ITGAL: variants seen among roughly 807,000 people sequenced by gnomAD.
ITGAL encodes integrin subunit alpha L.
In ITGAL, 68 loss-of-function variants were observed where a neutral mutation model predicts 138.4. The ratio of observed to expected loss-of-function variants is 0.49; its 90% CI spans 0.40 to 0.60. The LOEUF is 0.60. Ranked by LOEUF, ITGAL falls within the 20% of genes least tolerant of loss-of-function variation. The probability of loss-of-function intolerance (pLI) is 0.00; values close to 1 mark genes in which losing one functional copy is unlikely to be tolerated. For synonymous variants in ITGAL, 561 were observed against 584.3 expected, an observed-to-expected ratio of 0.96 and a Z score of 0.57; for missense variants, 1,256 against 1,478.6, an observed-to-expected ratio of 0.85 and a Z score of 2.47.
chr16:30,475,771 C>T (rs2050462529), intron 4 of ITGAL, among the ~76,000 whole-genome samples, 191 bp downstream of exon 4: 1 of 89,544 alleles, frequency 1.1e-5, no homozygotes, highest in East Asian at 3.5e-4. Context: ...GAGACAAGGT[C>T]TCATTCTATT....
At chr16:30,484,045 G>A (rs2050599548) in intron 8 of ITGAL, 68 bp from the exon 9 acceptor site, 2 of 1,594,634 alleles carry the variant, frequency 1.3e-6, no homozygotes, top group Non-Finnish European at 1.7e-6. Context: ...CCAGACTCTT[G>A]TGAAAATAAT....
At chr16:30,500,862 C>T (rs912969639) in intron 17 of ITGAL, among the ~76,000 whole-genome samples, 1 of 152,000 alleles carries the variant, frequency 6.6e-6, no homozygotes, top group Admixed American at 6.6e-5. Context: ...AAATTAGCTG[C>T]GTGTGTTGGC....
intron 17 of ITGAL, among the ~76,000 whole-genome samples, chr16:30,501,960 G>C (rs1300929558): frequency 6.6e-6 from 1 of 151,946 alleles, no homozygotes; most frequent in Non-Finnish European, 1.5e-5. Flanking sequence ...TTGAACCCAG[G>C]AGGTGGAGGT....
intron 15 of ITGAL, chr16:30,498,869 C>A (rs1205972439): frequency 3.7e-6 from 2 of 538,510 alleles, no homozygotes; most frequent in Non-Finnish European, 6.6e-6. Context: ...CCACTGCACT[C>A]CAGCCTGGGC....
At chr16:30,476,245 C>T (rs1362835509) in intron 4 of ITGAL, among the ~76,000 whole-genome samples, 1 of 150,622 alleles carries the variant, frequency 6.6e-6, no homozygotes, top group Non-Finnish European at 1.5e-5. Flanking sequence ...AGTGAAATTC[C>T]GTTTCAAAAA....
In ITGAL at chr16:30,513,793, G is replaced by A. The variant is rs1299937597; in HGVS notation, c.2809G>A (p.Val937Ile). ...IQDQEDSTLY[V>I]SFTPKGPKIH... is the part of the protein sequence containing the mutation. The stretch of plus-strand genomic sequence containing the variant: ...CAGCCAAGAAGACTCCACACTCTAT[G>A]TCAGTTTCACCCCCAAAGGCCCCAA... Residue 937 changes from valine to isoleucine, a missense_variant, in exon 25 of 31, where the codon GTC becomes ATC. Val to Ile is a conservative substitution (Grantham distance 29). Around this residue, in one of 3 missense-constraint regions of ITGAL, gnomAD observed 867 missense variants for 972.5 expected, o/e 0.89. Transcript: ENST00000356798. 1 of 1,613,694 alleles carries A rather than the reference G, an allele frequency of 6.2e-7. No homozygotes were observed. Among genetic ancestry groups the A allele is most frequent in the African/African-American group, 1.3e-5 (1 of 74,866 alleles).
intron 15 of ITGAL, among the ~76,000 whole-genome samples, 172 bp downstream of exon 15, chr16:30,496,738 C>T (rs955093379): frequency 6.6e-6 from 1 of 151,642 alleles, no homozygotes; most frequent in African/African-American, 2.4e-5. Flanking sequence ...AACTGCTGGG[C>T]TTAAGTGATC....
chr16:30,485,288 G>GCAGTCTCTGCTCACTGCAGTGCAGTGGCA (rs2050628994), intron 9 of ITGAL, among the ~76,000 whole-genome samples: 1 of 151,124 alleles, frequency 6.6e-6, no homozygotes, highest in Non-Finnish European at 1.5e-5. Flanking sequence ...GTGCAGTGGC[G>GCAGTCTCTGCTCACTGCAGTGCAGTGGCA]CAGTCTCTGC....
In ITGAL at chr16:30,521,820, C is replaced by T; in HGVS notation, c.*155C>T. On this transcript the variant is annotated 3_prime_UTR_variant, in exon 31 of 31. Transcript: ENST00000356798. ...TCTCGAACATGGAACTCATTCCTGC[C>T]TGTCTCCTTTGCAGGCTCATAGGGA... 5.5e-6 allele frequency: 4 copies of T among 722,180 alleles called. No homozygotes were observed. The highest frequency in any genetic ancestry group is 8.9e-6 in the Non-Finnish European group (4 of 451,038). 44.7% of individuals were successfully genotyped at this position (722,180 alleles called of 1,614,324 possible).
Position 30,472,837 on chromosome 16 carries a change from G to C in ITGAL, c.-1G>C, listed in dbSNP as rs752690019. 10 of 1,612,568 alleles carry C rather than the reference G, an allele frequency of 6.2e-6. No individual in the cohort carries two copies. Among genetic ancestry groups the C allele is most frequent in the Non-Finnish European group, 8.5e-6 (10 of 1,179,720 alleles). On this transcript the variant is annotated 5_prime_UTR_variant, in exon 1 of 31. Coordinates refer to ENST00000356798, the MANE Select transcript of ITGAL (RefSeq NM_002209.3). ...CCACAGGTCCCTCGAGTGCTGGAAG[G>C]ATGAAGGATTCCTGCATCACTGTGA...
At chr16:30,520,269 A>G (rs1036578415) in intron 30 of ITGAL, among the ~76,000 whole-genome samples, 1 of 152,174 alleles carries the variant, frequency 6.6e-6, no homozygotes, top group Non-Finnish European at 1.5e-5. Context: ...ATCCGCCTCT[A>G]CAAAAAATTT....
At position 30,521,842 on chromosome 16, in the gene ITGAL, G is replaced by T; in HGVS notation, c.*177G>T. On this transcript the variant is annotated 3_prime_UTR_variant, in exon 31 of 31. Transcript: ENST00000356798. The stretch of plus-strand genomic sequence containing the variant: ...TGCCTGTCTCCTTTGCAGGCTCATA[G>T]GGAAGACCTGCTGAGGGACCAGCCA... 1.6e-6 allele frequency: 1 copy of T among 631,932 alleles called. No individual in the cohort carries two copies. The highest frequency in any genetic ancestry group is 2.7e-6 in the Non-Finnish European group (1 of 374,272). The allele number at this position is 631,932 out of a possible 1,614,324, so 39.1% of individuals were successfully genotyped here. A position where few individuals can be genotyped will look rare whatever the true frequency, so the allele number is the denominator to read the frequency against.
At chr16:30,497,596 C>T (rs2050821416) in intron 15 of ITGAL, among the ~76,000 whole-genome samples, 1 of 151,552 alleles carries the variant, frequency 6.6e-6, no homozygotes, top group South Asian at 2.1e-4. Flanking sequence ...CCTGCATCAG[C>T]CTCCCAAGTA....
At chr16:30,477,352 G>T in intron 4 of ITGAL, 1 of 151,144 alleles carries the variant, frequency 6.6e-6, no homozygotes, top group South Asian at 2.1e-4. Flanking sequence ...AGGAGTTCAA[G>T]ACCAGCCTGG....
chr16:30,523,177 T>G lies in ITGAL; in HGVS notation c.*1512T>G, dbSNP rs1354716989. On this transcript the variant is annotated 3_prime_UTR_variant, in exon 31 of 31. Transcript: ENST00000356798. ...ATGTATTTATCCAATAAATGTGAAA[T>G]TCTGTCCAGTTTTGTGGTGGTTTTG... The G allele has an allele frequency of 6.6e-6, 1 of 152,228 alleles. No individual in the cohort carries two copies. The highest frequency in any genetic ancestry group is 2.4e-5 in the African/African-American group (1 of 41,452). 9.4% of individuals were successfully genotyped at this position (152,228 alleles called of 1,614,324 possible).
rs1435466084 is a variant in ITGAL at position 30,517,057 on chromosome 16, C to A, written c.2947C>A (p.Pro983Thr). Reference protein sequence around the residue: ...VGVPQPPSEGPITHQWSVQME... With the variant: ...VGVPQPPSEGTITHQWSVQME... ...GGTGCCACAGCCTCCCAGCGAGGGGCCCATCACACACCAGTGGAGCGTGCA... is the reference window on the plus strand; with the variant it reads ...GGTGCCACAGCCTCCCAGCGAGGGGACCATCACACACCAGTGGAGCGTGCA... Residue 983 changes from proline to threonine, a missense_variant, in exon 26 of 31, where the codon CCC (proline) becomes ACC (threonine). Around this residue, in one of 3 missense-constraint regions of ITGAL, gnomAD observed 867 missense variants for 972.5 expected, o/e 0.89. Coordinates refer to ENST00000356798, the MANE Select transcript of ITGAL (RefSeq NM_002209.3). The A allele has an allele frequency of 2.5e-6, 4 of 1,612,092 alleles. 1 individual carries two copies. The South Asian group carries it at 4.4e-5, about 18-fold the overall frequency.
intron 1 of ITGAL, 34 bp downstream of exon 1, chr16:30,472,932 T>A (rs2050415146): frequency 6.3e-7 from 1 of 1,597,490 alleles, no homozygotes; most frequent in East Asian, 2.2e-5. Flanking sequence ...AAGGGACATG[T>A]GTCTGTGACC....
chr16:30,514,859 C>T (rs1183757888), intron 25 of ITGAL, among the ~76,000 whole-genome samples: 8 of 139,528 alleles, frequency 5.7e-5, no homozygotes, highest in Admixed American at 1.5e-4. Context: ...GAGTCTTGCT[C>T]TGTCACCCAG....
intron 7 of ITGAL, among the ~76,000 whole-genome samples, chr16:30,482,795 C>G (rs1308366249): frequency 6.6e-6 from 1 of 151,936 alleles, no homozygotes; most frequent in Non-Finnish European, 1.5e-5. Flanking sequence ...CCAACTTGCT[C>G]AGAGGAAGGC....
Sources: gnomAD v4.1 joint callset for allele counts (sites outside exome capture counted in the v4.1 genomes callset) on GRCh38, gnomAD v4.1.1 for gene constraint, gnomAD v4.1.1 regional missense constraint, MANE v1.5 for transcripts, NCBI Gene and HGNC (gene_info 2026-07-23, HGNC 2026-07-21) for gene names.